Variants in ATRNL1 observed in about 807,000 individuals in gnomAD.
ATRNL1 encodes attractin-like protein 1.
ATRNL1 carries 95 observed loss-of-function variants against 182.7 expected under a neutral mutation model. The observed-to-expected ratio is 0.52, with a 90% CI of 0.44 to 0.62. ATRNL1 has a LOEUF of 0.62. Ranked by LOEUF, ATRNL1 falls within the 20% of genes least tolerant of loss-of-function variation. The pLI, the probability that ATRNL1 is intolerant of heterozygous loss-of-function variation, is 0.00. For synonymous variants in ATRNL1, 576 were observed against 568.3 expected, an observed-to-expected ratio of 1.01 and a Z score of -0.19; for missense variants, 1,471 against 1,679.5, an observed-to-expected ratio of 0.88 and a Z score of 2.17.
At chr10:115,498,247 G>GGCCT (rs1849648533) in intron 24 of ATRNL1, among the ~76,000 whole-genome samples, 1 of 151,782 alleles carries the variant, frequency 6.6e-6, no homozygotes, top group African/African-American at 2.4e-5. Context: ...TGGTATAAAA[G>GGCCT]GCCTTCCAAA....
chr10:115,503,610 T>C (rs1363076263), intron 24 of ATRNL1, among the ~76,000 whole-genome samples: 1 of 152,258 alleles, frequency 6.6e-6, no homozygotes, highest in East Asian at 1.9e-4. Flanking sequence ...TATGAGTGTT[T>C]TTGTATATAT....
intron 26 of ATRNL1, among the ~76,000 whole-genome samples, chr10:115,717,163 C>A (rs1474740458): frequency 6.6e-6 from 1 of 152,090 alleles, no homozygotes; most frequent in Non-Finnish European, 1.5e-5. Context: ...GAACTAGGTT[C>A]ATTGTATTTG....
intron 8 of ATRNL1, among the ~76,000 whole-genome samples, chr10:115,180,662 C>G (rs1246886726): frequency 6.6e-6 from 1 of 151,824 alleles, no homozygotes; most frequent in Non-Finnish European, 1.5e-5. Context: ...CAAAAGCAAC[C>G]TACAGATCAA....
At chr10:115,746,162 T>C (rs1948286744) in intron 27 of ATRNL1, among the ~76,000 whole-genome samples, 1 of 152,134 alleles carries the variant, frequency 6.6e-6, no homozygotes, top group African/African-American at 2.4e-5. Context: ...GTTTCATCTT[T>C]ATGCTCTCTC....
At chr10:115,819,281 A>G (rs1284080974) in intron 27 of ATRNL1, among the ~76,000 whole-genome samples, 1 of 152,102 alleles carries the variant, frequency 6.6e-6, no homozygotes, top group African/African-American at 2.4e-5. Context: ...GAACTCATTA[A>G]CTTTAATATG....
At chr10:115,745,180 G>A (rs908334682) in intron 27 of ATRNL1, among the ~76,000 whole-genome samples, 7 of 151,808 alleles carry the variant, frequency 4.6e-5, no homozygotes, top group African/African-American at 1.2e-4. Context: ...CTGGAGTGCA[G>A]TGGCAAGATC....
intron 26 of ATRNL1, among the ~76,000 whole-genome samples, chr10:115,670,523 A>G (rs533606565): frequency 6.6e-6 from 1 of 152,234 alleles, no homozygotes; most frequent in South Asian, 2.1e-4. Context: ...TGTGTGAGTA[A>G]TGTCTCTAGT....
intron 28 of ATRNL1, among the ~76,000 whole-genome samples, chr10:115,850,170 A>T (rs549034475): frequency 2.0e-5 from 3 of 152,288 alleles, no homozygotes; most frequent in African/African-American, 7.2e-5. Context: ...ATGGACTGAT[A>T]TGTCATAAAG....
intron 8 of ATRNL1, among the ~76,000 whole-genome samples, chr10:115,177,903 G>GTTTTT (rs147613896): frequency 2.9e-5 from 3 of 102,062 alleles, no homozygotes; most frequent in African/African-American, 8.6e-5. Flanking sequence ...TTGTTTTTTT[G>GTTTTT]TTTTTTTTGT....
At chr10:115,223,911 G>GTATATATATATATA (rs782032076) in intron 9 of ATRNL1, among the ~76,000 whole-genome samples, 8 of 58,020 alleles carry the variant, frequency 1.4e-4, no homozygotes, top group African/African-American at 4.2e-4. Flanking sequence ...GTGTGTGTGT[G>GTATATATATATATA]TGTATATATA....
intron 20 of ATRNL1, among the ~76,000 whole-genome samples, chr10:115,415,189 C>T (rs1187452818): frequency 2.6e-5 from 4 of 151,988 alleles, no homozygotes; most frequent in African/African-American, 9.7e-5. Context: ...CATCTACAGA[C>T]TCATAAGCAG....
intron 6 of ATRNL1, among the ~76,000 whole-genome samples, chr10:115,163,467 G>A (rs1015808768): frequency 1.3e-5 from 2 of 151,780 alleles, no homozygotes; most frequent in Non-Finnish European, 2.9e-5. Context: ...GGGCCCAGGC[G>A]ATCCTTCCAC....
At chr10:115,807,613 G>T (rs1276753805) in intron 27 of ATRNL1, among the ~76,000 whole-genome samples, 10 of 152,200 alleles carry the variant, frequency 6.6e-5, no homozygotes, top group African/African-American at 2.4e-4. Flanking sequence ...CAACCACATT[G>T]AAAGGGTGGC....
chr10:115,645,286 T>TTA (rs1555031839), intron 26 of ATRNL1, among the ~76,000 whole-genome samples: 25 of 151,300 alleles, frequency 1.7e-4, no homozygotes, highest in South Asian at 1.3e-3. Flanking sequence ...TCATTTTTTT[T>TTA]AAAAAAAGTA....
chr10:115,211,022 T>C (rs1848998381), intron 8 of ATRNL1, among the ~76,000 whole-genome samples: 1 of 151,594 alleles, frequency 6.6e-6, no homozygotes. Flanking sequence ...TATTCATGTT[T>C]CTGCTCTATT....
intron 28 of ATRNL1, among the ~76,000 whole-genome samples, chr10:115,923,568 T>C (rs1953131081): frequency 6.6e-6 from 1 of 152,150 alleles, no homozygotes; most frequent in Non-Finnish European, 1.5e-5. Flanking sequence ...TCCATCCATG[T>C]CCCTGCAAAG....
intron 20 of ATRNL1, among the ~76,000 whole-genome samples, chr10:115,395,298 C>T (rs1554955270): frequency 6.6e-6 from 1 of 151,796 alleles, no homozygotes; most frequent in African/African-American, 2.4e-5. Context: ...ATTCTGAATA[C>T]TGCTGCAGTG....
Position 115,380,323 on chromosome 10 carries a change from G to A in ATRNL1, c.3176-14336G>A, listed in dbSNP as rs138814088. Among the ~76,000 whole-genome samples the A allele has an allele frequency of 4.6e-5, 7 of 151,890 alleles. No homozygotes were observed. The East Asian group carries it at 1.2e-3, about 25-fold the overall frequency. ...AGTGTTCTACAGTATTTCATAATAC[G>A]GCAAGTACTGATGATTTTTCAAACA... is the stretch of plus-strand genomic sequence containing the variant. On this transcript the variant is annotated intron_variant, in intron 19 of 28. Coordinates refer to ENST00000355044, the MANE Select transcript of ATRNL1 (RefSeq NM_207303.4).
rs182520043 is a variant in ATRNL1, at chr10:115,268,417, C to T, written c.2073C>T (p.Cys691=). ...GCCAATGGTGTGATGACAAGAAATG[C>T]ATTTCGGCAAATAGTAACTGCAGTA... ...NGCQWCDDKK[C]ISANSNCSMS... is the part of the protein sequence containing the mutation. Residue 691 remains cysteine, a synonymous_variant, in exon 13 of 29, where the codon TGC becomes TGT. Transcript: ENST00000355044. 1.2e-6 allele frequency: 2 copies of T among 1,612,740 alleles called. No individual in the cohort carries two copies. The highest frequency in any genetic ancestry group is 4.5e-5 in the East Asian group (2 of 44,844).
Sources: allele counts gnomAD v4.1 joint callset (sites outside exome capture counted in the v4.1 genomes callset), GRCh38; gene constraint gnomAD v4.1.1; transcripts MANE v1.5; gene names NCBI Gene and HGNC (gene_info 2026-07-23, HGNC 2026-07-21).